Variants in PKN2 observed in about 807,000 individuals in gnomAD.
The protein encoded by PKN2 is serine/threonine-protein kinase N2.
Under a neutral mutation model 119.1 loss-of-function variants are expected in PKN2, and 38 were observed. That is an observed-to-expected ratio of 0.32 (90% CI 0.25 to 0.42). The LOEUF (loss-of-function observed/expected upper bound fraction) is 0.42, where lower values mean the gene tolerates loss of function less well. Ranked by LOEUF, PKN2 falls within the 10% of genes least tolerant of loss-of-function variation. The pLI is 1.00. For synonymous variants in PKN2, 390 were observed against 384.9 expected, an observed-to-expected ratio of 1.01 and a Z score of -0.15; for missense variants, 850 against 1,165.1, an observed-to-expected ratio of 0.73 and a Z score of 3.94.
At chr1:88,727,220 G>A in intron 1 of PKN2, among the ~76,000 whole-genome samples, 1 of 146,836 alleles carries the variant, frequency 6.8e-6, no homozygotes, top group East Asian at 2.0e-4. Context: ...CTTTTTCCTG[G>A]TATTAATATG....
chr1:88,820,180 C>CCATATA (rs1491259052), intron 16 of PKN2, among the ~76,000 whole-genome samples: 1 of 70,740 alleles, frequency 1.4e-5, no homozygotes, highest in Non-Finnish European at 2.6e-5. Flanking sequence ...TTTCAGAAAC[C>CCATATA]TATATATATA....
chr1:88,828,371 C>A, intron 18 of PKN2, 110 bp from the exon 19 acceptor site: 1 of 833,192 alleles, frequency 1.2e-6, no homozygotes, highest in Non-Finnish European at 1.9e-6. Context: ...ATTTGTTCAC[C>A]ATGCACAAAT....
chr1:88,820,255 C>T (rs1217040116), intron 16 of PKN2, among the ~76,000 whole-genome samples: 7 of 122,582 alleles, frequency 5.7e-5, no homozygotes, highest in South Asian at 2.7e-4. Context: ...AATAAAAATG[C>T]GAGGCACCAT....
At chr1:88,757,871 T>C (rs1281218697) in intron 2 of PKN2, among the ~76,000 whole-genome samples, 1 of 151,198 alleles carries the variant, frequency 6.6e-6, no homozygotes, top group African/African-American at 2.4e-5. Flanking sequence ...TGAAACCCCG[T>C]CTCTACTAAA....
intron 15 of PKN2, among the ~76,000 whole-genome samples, chr1:88,811,816 C>G (rs941061055): frequency 6.6e-6 from 1 of 152,172 alleles, no homozygotes; most frequent in African/African-American, 2.4e-5. Context: ...CATTCCACAT[C>G]TATAATCTGA....
intron 1 of PKN2, among the ~76,000 whole-genome samples, chr1:88,693,990 G>A (rs913055253): frequency 1.3e-5 from 2 of 152,150 alleles, no homozygotes; most frequent in African/African-American, 2.4e-5. Flanking sequence ...ATATTTTAAA[G>A]CAGTTTTAGG....
At position 88,756,897 on chromosome 1, in the gene PKN2, A is replaced by T. The variant is rs547309759; in HGVS notation, c.350-3325A>T. ...TCACTATAATCCTGTGAGGTACATGATGTTTTCACTATTTAACACATGAAG... is the reference window on the plus strand; with the variant it reads ...TCACTATAATCCTGTGAGGTACATGTTGTTTTCACTATTTAACACATGAAG... On this transcript the variant is annotated intron_variant, in intron 2 of 21. Transcript: ENST00000370521. 9.9e-5 allele frequency among the ~76,000 whole-genome samples: 15 copies of T among 152,240 alleles called. No homozygotes were observed. In the South Asian group the frequency reaches 2.7e-3, roughly 27 times the overall value.
At chr1:88,774,240 G>T (rs1336762453) in intron 6 of PKN2, among the ~76,000 whole-genome samples, 1 of 152,126 alleles carries the variant, frequency 6.6e-6, no homozygotes, top group African/African-American at 2.4e-5. Context: ...TTGAGCATTG[G>T]GTGTGCAGAA....
At chr1:88,733,211 AGTG>A (rs1366047649) in intron 1 of PKN2, among the ~76,000 whole-genome samples, 1 of 152,216 alleles carries the variant, frequency 6.6e-6, no homozygotes, top group Non-Finnish European at 1.5e-5. Context: ...TATACCCAGT[AGTG>A]GGATTTATCG....
At chr1:88,801,005 C>T (rs562610485) in intron 8 of PKN2, among the ~76,000 whole-genome samples, 5 of 152,124 alleles carry the variant, frequency 3.3e-5, no homozygotes, top group Non-Finnish European at 7.3e-5. Context: ...TTGAAATTAT[C>T]TAACAGCATG....
At chr1:88,753,968 A>G (rs538559399) in intron 2 of PKN2, among the ~76,000 whole-genome samples, 58 of 152,288 alleles carry the variant, frequency 3.8e-4, no homozygotes, top group African/African-American at 1.4e-3. Context: ...GAAAACTGCC[A>G]TAAATTTAAC....
chr1:88,694,858 G>C (rs1666473019), intron 1 of PKN2, among the ~76,000 whole-genome samples: 1 of 152,122 alleles, frequency 6.6e-6, no homozygotes, highest in Non-Finnish European at 1.5e-5. Flanking sequence ...TTTGAATATG[G>C]AGATAGGTCT....
chr1:88,785,894 T>C (rs1349918592), intron 7 of PKN2, among the ~76,000 whole-genome samples: 2 of 152,238 alleles, frequency 1.3e-5, no homozygotes, highest in African/African-American at 4.8e-5. Flanking sequence ...GCAGTCACTA[T>C]TTGTGTTTTT....
chr1:88,789,194 C>G (rs1364509869), intron 8 of PKN2, among the ~76,000 whole-genome samples: 1 of 152,076 alleles, frequency 6.6e-6, no homozygotes, highest in Non-Finnish European at 1.5e-5. Flanking sequence ...TTGGGACTAA[C>G]AGTGGGATTG....
chr1:88,785,555 T>G (rs117626696), intron 7 of PKN2, among the ~76,000 whole-genome samples: 1 of 152,030 alleles, frequency 6.6e-6, no homozygotes, highest in East Asian at 1.9e-4. Flanking sequence ...TAGGGGTTGG[T>G]TTGAGGAGAG....
rs143989923 is a variant in PKN2, at chr1:88,697,051, A to G, written c.48+12423A>G. Among the ~76,000 whole-genome samples, 6 of 152,314 alleles carry G rather than the reference A, an allele frequency of 3.9e-5. No individual in the cohort carries two copies. In the East Asian group the frequency reaches 7.7e-4, roughly 20 times the overall value. On this transcript the variant is annotated intron_variant, in intron 1 of 21. Transcript: ENST00000370521. ...AATCATATTCATTGACTATATGAAT[A>G]TATTTATATCTAATAAAAGTTTTAC...
intron 18 of PKN2, among the ~76,000 whole-genome samples, chr1:88,827,314 T>G (rs902493342): frequency 6.6e-6 from 1 of 152,076 alleles, no homozygotes; most frequent in African/African-American, 2.4e-5. Context: ...ATGAGAAATG[T>G]TTTGAATTTC....
chr1:88,691,814 AGT>A (rs1666344833), intron 1 of PKN2, among the ~76,000 whole-genome samples: 1 of 152,208 alleles, frequency 6.6e-6, no homozygotes, highest in African/African-American at 2.4e-5. Context: ...GATATTTATA[AGT>A]ACTAAGATAC....
chr1:88,795,575 T>A (rs1671030522), intron 8 of PKN2, among the ~76,000 whole-genome samples: 4 of 152,212 alleles, frequency 2.6e-5, no homozygotes, highest in Admixed American at 2.6e-4. Flanking sequence ...TCTAATTTAA[T>A]CCTCACAATA....
Sources: allele counts gnomAD v4.1 joint callset (sites outside exome capture counted in the v4.1 genomes callset), GRCh38; gene constraint gnomAD v4.1.1; transcripts MANE v1.5; gene names NCBI Gene and HGNC (gene_info 2026-07-23, HGNC 2026-07-21).